The following CNTN5 variants were observed in gnomAD, a reference collection of about 807,000 sequenced individuals.
CNTN5 encodes contactin-5.
A neutral mutation model predicts 129.1 loss-of-function variants in CNTN5; 77 were observed. The observed-to-expected ratio is 0.60, with a 90% CI of 0.50 to 0.72. The LOEUF is 0.72. CNTN5 is among the 30% of genes least tolerant of loss of function. The probability of loss-of-function intolerance (pLI) is 0.00; values close to 1 mark genes in which losing one functional copy is unlikely to be tolerated. For synonymous variants in CNTN5, 509 were observed against 465.6 expected, an observed-to-expected ratio of 1.09 and a Z score of -1.20; for missense variants, 1,478 against 1,328.8, an observed-to-expected ratio of 1.11 and a Z score of -1.75.
chr11:99,905,105 T>C (rs1199594160), intron 6 of CNTN5, among the ~76,000 whole-genome samples: 1 of 152,246 alleles, frequency 6.6e-6, no homozygotes, highest in Non-Finnish European at 1.5e-5. Context: ...TTCAGTCTGA[T>C]GATAGTTTCT....
At chr11:99,634,473 C>T (rs564284744) in intron 3 of CNTN5, among the ~76,000 whole-genome samples, 2 of 152,176 alleles carry the variant, frequency 1.3e-5, no homozygotes, top group Admixed American at 6.5e-5. Flanking sequence ...GCAGTGGGCA[C>T]GAACGGTGTC....
intron 23 of CNTN5, among the ~76,000 whole-genome samples, chr11:100,342,388 C>G (rs1952185062): frequency 6.6e-6 from 1 of 152,098 alleles, no homozygotes; most frequent in Non-Finnish European, 1.5e-5. Flanking sequence ...AGGAACCAAT[C>G]TAATATCATT....
chr11:99,342,053 C>G (rs1866536576), intron 2 of CNTN5, among the ~76,000 whole-genome samples: 1 of 152,072 alleles, frequency 6.6e-6, no homozygotes, highest in African/African-American at 2.4e-5. Flanking sequence ...AGCTATCTAA[C>G]ATATCTAGTA....
At chr11:99,847,844 G>A (rs1947749271) in intron 6 of CNTN5, among the ~76,000 whole-genome samples, 1 of 152,046 alleles carries the variant, frequency 6.6e-6, no homozygotes, top group Non-Finnish European at 1.5e-5. Flanking sequence ...AACTGAGGTA[G>A]GAAGTTGGGG....
At chr11:99,517,324 C>T (rs1591200659) in intron 2 of CNTN5, among the ~76,000 whole-genome samples, 2 of 152,126 alleles carry the variant, frequency 1.3e-5, no homozygotes, top group South Asian at 4.2e-4. Flanking sequence ...CTGGACTCTT[C>T]CAAGAGTAGA....
intron 9 of CNTN5, among the ~76,000 whole-genome samples, chr11:100,030,726 T>C (rs1274423579): frequency 2.6e-5 from 4 of 152,202 alleles, no homozygotes; most frequent in Non-Finnish European, 5.9e-5. Context: ...TTAATGTCTT[T>C]TTCAGTTTAC....
intron 13 of CNTN5, among the ~76,000 whole-genome samples, chr11:100,108,165 C>G (rs1337227644): frequency 6.6e-6 from 1 of 151,856 alleles, no homozygotes; most frequent in Non-Finnish European, 1.5e-5. Context: ...GGCACCTGAT[C>G]TTATAGAGAG....
chr11:99,489,805 G>T (rs188559900), intron 2 of CNTN5, among the ~76,000 whole-genome samples: 50 of 152,254 alleles, frequency 3.3e-4, no homozygotes, highest in Non-Finnish European at 6.3e-4. Context: ...ATGTGGGAGA[G>T]CAAGTGATGA....
At chr11:99,679,082 A>G (rs1953434408) in intron 3 of CNTN5, among the ~76,000 whole-genome samples, 1 of 145,104 alleles carries the variant, frequency 6.9e-6, no homozygotes, top group African/African-American at 2.6e-5. Flanking sequence ...TATATATAGG[A>G]AATACATATA....
intron 3 of CNTN5, among the ~76,000 whole-genome samples, chr11:99,619,574 C>CT (rs993525443): frequency 4.0e-5 from 6 of 151,870 alleles, no homozygotes; most frequent in African/African-American, 1.2e-4. Context: ...TATTTTTATA[C>CT]TTTTTTGCAT....
intron 6 of CNTN5, among the ~76,000 whole-genome samples, chr11:99,914,777 A>C (rs1298224043): frequency 6.6e-6 from 1 of 152,100 alleles, no homozygotes; most frequent in African/African-American, 2.4e-5. Flanking sequence ...TTCACTACTT[A>C]TTAGACCCCC....
intron 1 of CNTN5, among the ~76,000 whole-genome samples, chr11:99,045,783 A>C (rs1054927179): frequency 6.6e-6 from 1 of 152,194 alleles, no homozygotes; most frequent in Admixed American, 6.5e-5. Flanking sequence ...CATTTAACAT[A>C]ATTTAAAGAA....
chr11:100,091,082 C>T (rs185285032), intron 13 of CNTN5, among the ~76,000 whole-genome samples: 18 of 152,220 alleles, frequency 1.2e-4, no homozygotes, highest in Admixed American at 7.2e-4. Flanking sequence ...CTAACTTCTG[C>T]CTTTGTCTTT....
At chr11:99,927,124 T>C (rs896791072) in intron 7 of CNTN5, among the ~76,000 whole-genome samples, 2 of 152,328 alleles carry the variant, frequency 1.3e-5, no homozygotes, top group Middle Eastern at 3.4e-3. Flanking sequence ...CAGAGAGCTC[T>C]ATTTTTAAGT....
chr11:99,416,654 AC>A (rs1942669512), intron 2 of CNTN5, among the ~76,000 whole-genome samples: 1 of 152,104 alleles, frequency 6.6e-6, no homozygotes. Context: ...ATTTACCAAG[AC>A]AGTTGTAGGT....
intron 1 of CNTN5, among the ~76,000 whole-genome samples, chr11:99,035,932 C>T (rs1420650420): frequency 6.6e-6 from 1 of 151,784 alleles, no homozygotes; most frequent in East Asian, 1.9e-4. Flanking sequence ...CCATGTTTAG[C>T]ACTTCCTTCT....
At chr11:99,625,662 A>G (rs77472307) in intron 3 of CNTN5, among the ~76,000 whole-genome samples, 10,850 of 152,178 alleles carry the variant, frequency 0.071, 443 homozygotes, top group East Asian at 0.18. Flanking sequence ...ATAAATGACT[A>G]TGGAAGTACA....
At chr11:99,728,619 G>T (rs1943430340) in intron 3 of CNTN5, among the ~76,000 whole-genome samples, 1 of 152,156 alleles carries the variant, frequency 6.6e-6, no homozygotes, top group Admixed American at 6.5e-5. Flanking sequence ...AAGTTGTCGG[G>T]ATAGAAACCT....
chr11:99,595,557 G>A (rs900674932), intron 3 of CNTN5, among the ~76,000 whole-genome samples: 2 of 151,992 alleles, frequency 1.3e-5, no homozygotes, highest in Non-Finnish European at 2.9e-5. Context: ...AAAGCGATTT[G>A]TGGAAAAGCA....
Sources: gnomAD v4.1 joint callset for allele counts (sites outside exome capture counted in the v4.1 genomes callset) on GRCh38, gnomAD v4.1.1 for gene constraint, MANE v1.5 for transcripts, NCBI Gene and HGNC (gene_info 2026-07-23, HGNC 2026-07-21) for gene names.